Variants in USP7 observed in about 807,000 individuals in gnomAD.
The protein encoded by USP7 is ubiquitin specific peptidase 7.
A neutral mutation model predicts 162.9 loss-of-function variants in USP7; 9 were observed. The observed-to-expected ratio is 0.06, with a 90% confidence interval of 0.03 to 0.10. USP7 has a LOEUF of 0.10. Ranked by LOEUF, USP7 falls within the 10% of genes least tolerant of loss-of-function variation. The pLI, the probability that USP7 is intolerant of heterozygous loss-of-function variation, is 1.00. For missense variants in USP7, 715 were observed against 1,373.7 expected (o/e 0.52, Z 7.58); for synonymous variants, 562 against 475.9 (o/e 1.18, Z -2.35).
chr16:8,954,590 C>A (rs1426667599), intron 1 of USP7, among the ~76,000 whole-genome samples: 1 of 152,196 alleles, frequency 6.6e-6, no homozygotes, highest in Non-Finnish European at 1.5e-5. Context: ...AGGATGTATT[C>A]TGGAAGCTTT....
intron 1 of USP7, chr16:8,962,895 G>T (rs1278412578): frequency 6.2e-6 from 1 of 161,716 alleles, no homozygotes; most frequent in Non-Finnish European, 1.3e-5. Flanking sequence ...CCCAACCTGG[G>T]TGAGAAAACA....
intron 1 of USP7, among the ~76,000 whole-genome samples, chr16:8,960,454 G>A (rs572973094): frequency 6.6e-6 from 1 of 152,320 alleles, no homozygotes; most frequent in East Asian, 1.9e-4. Context: ...ATGTGAGGCC[G>A]GAGAGCAAAC....
At chr16:8,956,666 G>C (rs1333937807) in intron 1 of USP7, among the ~76,000 whole-genome samples, 1 of 152,116 alleles carries the variant, frequency 6.6e-6, no homozygotes, top group Non-Finnish European at 1.5e-5. Context: ...GGGAGGCTGA[G>C]GCAGGAGTAT....
intron 2 of USP7, 54 bp downstream of exon 2, chr16:8,930,239 C>A: frequency 1.4e-6 from 2 of 1,399,798 alleles, no homozygotes; most frequent in South Asian, 1.2e-5. Context: ...GGATCTGAAC[C>A]TGTTTTCTGA....
chr16:8,894,955 C>G (rs149164873), intron 28 of USP7, 76 bp downstream of exon 28: 2 of 1,613,296 alleles, frequency 1.2e-6, no homozygotes, highest in Non-Finnish European at 1.7e-6. Flanking sequence ...CCAGCAGGAG[C>G]GCAGATTCGG....
In USP7 at chr16:8,894,645, A is replaced by G. The variant is rs1355953411; in HGVS notation, c.3112-5T>C. 2 of 1,613,034 alleles carry G rather than the reference A, an allele frequency of 1.2e-6. No homozygotes were observed. The highest frequency in any genetic ancestry group is 1.1e-5 in the South Asian group (1 of 90,972). On this transcript the variant is annotated splice_region_variant and splice_polypyrimidine_tract_variant and intron_variant, in intron 29 of 30. Transcript: ENST00000344836. Reference sequence around the variant, plus strand: ...CATTACAATTGCAAATTTAAACTAAAAGAAAAAAAATTAAAACTCCTCCGT... The same window carrying G: ...CATTACAATTGCAAATTTAAACTAAGAGAAAAAAAATTAAAACTCCTCCGT...
intron 1 of USP7, among the ~76,000 whole-genome samples, chr16:8,937,319 C>T (rs1233826212): frequency 1.8e-4 from 28 of 151,888 alleles, no homozygotes; most frequent in Non-Finnish European, 2.2e-4. Context: ...CTGAGGCGGG[C>T]GGATCACCTG....
intron 1 of USP7, among the ~76,000 whole-genome samples, chr16:8,941,146 A>AC (rs35853014): frequency 6.6e-6 from 1 of 151,270 alleles, no homozygotes; most frequent in South Asian, 2.1e-4. Flanking sequence ...GCCCATGAGG[A>AC]CCCCCCGCCC....
chr16:8,893,931 C>T lies in USP7; in HGVS notation c.*67G>A. On this transcript the variant is annotated 3_prime_UTR_variant, in exon 31 of 31. Transcript: ENST00000344836. The stretch of plus-strand genomic sequence containing the variant: ...AGACTTCGGCTAGAGGGCACGTGCA[C>T]CAAAGTTCTAGGCTGTTAAGGGGCC... The T allele has an allele frequency of 6.9e-7, 1 of 1,449,792 alleles. No homozygotes were observed. The highest frequency in any genetic ancestry group is 9.7e-7 in the Non-Finnish European group (1 of 1,031,352). 89.8% of individuals were successfully genotyped at this position (1,449,792 alleles called of 1,614,324 possible).
intron 1 of USP7, among the ~76,000 whole-genome samples, chr16:8,962,250 C>G (rs574402629): frequency 6.6e-6 from 1 of 152,312 alleles, no homozygotes; most frequent in African/African-American, 2.4e-5. Context: ...CTCCCGACAG[C>G]CTGAACTCGT....
chr16:8,926,305 C>T (rs2141221806), intron 2 of USP7, among the ~76,000 whole-genome samples: 1 of 152,126 alleles, frequency 6.6e-6, no homozygotes, highest in East Asian at 1.9e-4. Flanking sequence ...TGGTGAAACC[C>T]CGTCTCTACT....
intron 22 of USP7, 94 bp from the exon 23 acceptor site, chr16:8,899,282 C>T (rs1310560136): frequency 8.0e-7 from 1 of 1,257,174 alleles, no homozygotes; most frequent in Non-Finnish European, 1.1e-6. Context: ...CCATGAGCAG[C>T]CTGAATTTAA....
chr16:8,944,826 C>G (rs1207790869), intron 1 of USP7, among the ~76,000 whole-genome samples: 1 of 152,226 alleles, frequency 6.6e-6, no homozygotes, highest in Admixed American at 6.5e-5. Context: ...TTCCTGGCGG[C>G]TGGACACAGT....
At chr16:8,948,123 G>A (rs1202557438) in intron 1 of USP7, among the ~76,000 whole-genome samples, 1 of 152,150 alleles carries the variant, frequency 6.6e-6, no homozygotes, top group Non-Finnish European at 1.5e-5. Context: ...CCACCACTGT[G>A]GCCTGTAAAA....
intron 1 of USP7, 149 bp from the exon 2 acceptor site, chr16:8,930,546 T>C: frequency 1.7e-6 from 1 of 595,862 alleles, no homozygotes; most frequent in Non-Finnish European, 2.8e-6. Context: ...CAAAAAATAT[T>C]TATACTAATG....
chr16:8,956,922 C>T (rs765399923), intron 1 of USP7, among the ~76,000 whole-genome samples: 2 of 152,142 alleles, frequency 1.3e-5, no homozygotes, highest in African/African-American at 2.4e-5. Context: ...CAGCACAACA[C>T]AGACAAGTCG....
intron 1 of USP7, among the ~76,000 whole-genome samples, chr16:8,933,758 CTT>C (rs550079695): frequency 1.9e-3 from 274 of 143,240 alleles, no homozygotes; most frequent in Middle Eastern, 3.6e-3. Context: ...CCTATACAAA[CTT>C]TTTTTTTTTT....
At chr16:8,953,620 TGCCCCGTGCGGCGCCACC>T in intron 1 of USP7, among the ~76,000 whole-genome samples, 1 of 41,158 alleles carries the variant, frequency 2.4e-5, no homozygotes, top group South Asian at 1.7e-3. Context: ...GGAAGACACG[TGCCCCGTGCGGCGCCACC>T]GGAAGCAGAG....
intron 23 of USP7, 125 bp from the exon 24 acceptor site, chr16:8,898,764 G>A: frequency 1.4e-6 from 1 of 738,744 alleles, no homozygotes; most frequent in Non-Finnish European, 2.1e-6. Flanking sequence ...CCTAGCATGG[G>A]GTTTAACTTA....
Sources: allele counts gnomAD v4.1 joint callset (sites outside exome capture counted in the v4.1 genomes callset), GRCh38; gene constraint gnomAD v4.1.1; transcripts MANE v1.5; gene names NCBI Gene and HGNC (gene_info 2026-07-23, HGNC 2026-07-21).